The following NPAT variants were observed in gnomAD, a reference collection of about 807,000 sequenced individuals.
The protein encoded by NPAT is protein NPAT.
Under a neutral mutation model 130.7 loss-of-function variants are expected in NPAT, and 52 were observed. That is an observed-to-expected ratio of 0.40 (90% CI 0.32 to 0.50). The LOEUF is 0.50. Among genes scored for constraint, NPAT ranks in the 20% least tolerant of loss-of-function variants. NPAT has a pLI of 0.68. For missense variants in NPAT, 1,687 were observed against 1,662.6 expected, an observed-to-expected ratio of 1.01 and a Z score of -0.26; for synonymous variants, 580 against 584.8, an observed-to-expected ratio of 0.99 and a Z score of 0.12.
intron 1 of NPAT, among the ~76,000 whole-genome samples, chr11:108,221,057 A>G (rs2078485328): frequency 6.6e-6 from 1 of 152,204 alleles, no homozygotes; most frequent in Non-Finnish European, 1.5e-5. Flanking sequence ...GAATACTCAC[A>G]CATCGATGTG....
chr11:108,183,812 A>G (rs568518245), intron 10 of NPAT, among the ~76,000 whole-genome samples: 6 of 152,044 alleles, frequency 3.9e-5, no homozygotes, highest in South Asian at 2.1e-4. Flanking sequence ...AAAACCAAAC[A>G]AAAACCAAAA....
chr11:108,160,435 C>G (rs6589005), intron 17 of NPAT, among the ~76,000 whole-genome samples: 151,605 of 152,336 alleles, frequency 1, 75,447 homozygotes, highest in Middle Eastern at 1. Flanking sequence ...AAAAACTGAA[C>G]ATCTAAGAAC....
intron 1 of NPAT, among the ~76,000 whole-genome samples, chr11:108,209,044 C>A (rs2078357747): frequency 6.6e-6 from 1 of 152,136 alleles, no homozygotes; most frequent in Admixed American, 6.5e-5. Context: ...CGTTGGGAGG[C>A]TGAGGCAGGC....
intron 8 of NPAT, among the ~76,000 whole-genome samples, chr11:108,186,134 A>T (rs1369711461): frequency 6.6e-6 from 1 of 151,868 alleles, no homozygotes; most frequent in Non-Finnish European, 1.5e-5. Context: ...CTCCCATCTC[A>T]GCCTCCCAAG....
intron 17 of NPAT, among the ~76,000 whole-genome samples, chr11:108,159,890 T>C (rs1295031940): frequency 6.6e-6 from 1 of 150,608 alleles, no homozygotes; most frequent in Non-Finnish European, 1.5e-5. Flanking sequence ...TGGTGGCTCA[T>C]GCCTGTAATC....
At chr11:108,186,821 A>G (rs976113226) in intron 7 of NPAT, among the ~76,000 whole-genome samples, 21 of 152,136 alleles carry the variant, frequency 1.4e-4, no homozygotes, top group African/African-American at 5.1e-4. Context: ...TTACTACTAA[A>G]TTTTTAATCT....
intron 5 of NPAT, 35 bp from the exon 6 acceptor site, chr11:108,189,365 C>T (rs547811438): frequency 2.6e-5 from 41 of 1,595,294 alleles, no homozygotes; most frequent in South Asian, 1.2e-4. Flanking sequence ...ACAAATTCAA[C>T]GTCAGGGTAG....
At chr11:108,192,072 G>A (rs780667442) in intron 4 of NPAT, 46 bp downstream of exon 4, 6 of 1,248,736 alleles carry the variant, frequency 4.8e-6, no homozygotes, top group Non-Finnish European at 7.1e-6. Context: ...AACCCAAAGT[G>A]TATTTGCATT....
Position 108,222,623 on chromosome 11 carries a change from T to G in NPAT, c.-87A>C. The G allele has an allele frequency of 1.4e-6, 2 of 1,448,116 alleles. No individual in the cohort carries two copies. The highest frequency in any genetic ancestry group is 1.9e-6 in the Non-Finnish European group (2 of 1,039,878). 89.7% of individuals were successfully genotyped at this position (1,448,116 alleles called of 1,614,324 possible). On this transcript the variant is annotated 5_prime_UTR_variant, in exon 1 of 18. Coordinates refer to ENST00000278612, the MANE Select transcript of NPAT (RefSeq NM_002519.3). ...ACAGCTCCTGCGCCGCATCTCCTGG[T>G]TCCAGTGGCGGCACTGAACTCGCGG...
Position 108,172,862 on chromosome 11 carries a change from A to C in NPAT, c.2122T>G (p.Ser708Ala). The change falls in exon 13 of 18, where the codon TCT (serine) becomes GCT (alanine). Residue 708 changes from serine to alanine, a missense_variant. Physicochemically the swap from Ser to Ala is moderately conservative, Grantham distance 99 (BLOSUM62 1). Transcript: ENST00000278612. ...SHSLPPESVC[S>A]SVGDSHPESQ... ...TCAGGGTGAGAATCTCCCACTGAAGAACACACAGATTCTGGAGGAAGAGAG... is the reference window on the plus strand; with the variant it reads ...TCAGGGTGAGAATCTCCCACTGAAGCACACACAGATTCTGGAGGAAGAGAG... The C allele has an allele frequency of 1.2e-6, 2 of 1,614,084 alleles. No individual in the cohort carries two copies. Among genetic ancestry groups the C allele is most frequent in the Non-Finnish European group, 1.7e-6 (2 of 1,180,028 alleles).
intron 4 of NPAT, 101 bp downstream of exon 4, chr11:108,192,017 G>C: frequency 1.2e-6 from 1 of 837,100 alleles, no homozygotes; most frequent in Admixed American, 1.7e-5. Context: ...TTCAAAACTG[G>C]ATGAGTGTTA....
At chr11:108,175,914 C>G (rs1041862921) in intron 12 of NPAT, among the ~76,000 whole-genome samples, 10 of 152,188 alleles carry the variant, frequency 6.6e-5, no homozygotes, top group Non-Finnish European at 1.2e-4. Flanking sequence ...GCTACCTCTG[C>G]TTCCCAAAGT....
chr11:108,211,111 C>T (rs546407512), intron 1 of NPAT, among the ~76,000 whole-genome samples: 6 of 151,904 alleles, frequency 3.9e-5, no homozygotes, highest in South Asian at 2.1e-4. Flanking sequence ...CCCAGCTACT[C>T]GGGAGGCTGG....
At chr11:108,182,221 TG>T (rs1276451158) in intron 10 of NPAT, among the ~76,000 whole-genome samples, 1 of 152,156 alleles carries the variant, frequency 6.6e-6, no homozygotes, top group African/African-American at 2.4e-5. Context: ...TTCCTTGGTA[TG>T]GGGGTCAGAA....
rs1459834816 is a variant in NPAT at position 108,222,448 on chromosome 11, T to C, written c.37+52A>G. The C allele has an allele frequency of 2.5e-6, 4 of 1,603,662 alleles. No homozygotes were observed. The Admixed American group carries it at 6.7e-5, about 27-fold the overall frequency. ...GAAAACCTTTGGCCTCAAAGGTCCT[T>C]CTGTCCAGCATAGCCGGGTCCAATA... On this transcript the variant is annotated intron_variant, in intron 1 of 17. Coordinates refer to ENST00000278612, the MANE Select transcript of NPAT (RefSeq NM_002519.3).
At chr11:108,187,202 G>A (rs2078115702) in intron 7 of NPAT, among the ~76,000 whole-genome samples, 1 of 152,156 alleles carries the variant, frequency 6.6e-6, no homozygotes. Flanking sequence ...TGTAATCCCA[G>A]CAATTTTGGA....
Position 108,222,518 on chromosome 11 carries a change from C to CG in NPAT, c.18dup (p.Val7ArgfsTer38). 1 of 1,613,926 alleles carries CG rather than the reference C, an allele frequency of 6.2e-7. No homozygotes were observed. The highest frequency in any genetic ancestry group is 1.1e-5 in the South Asian group (1 of 91,006). ...CGCTTACCCAATACAAGCCGGGCTA[C>CG]GTCCGAGGGTAACAACATGATCAAA... On this transcript the variant is annotated frameshift_variant, in exon 1 of 18. Coordinates refer to ENST00000278612, the MANE Select transcript of NPAT (RefSeq NM_002519.3). LOFTEE classifies it high-confidence loss of function.
rs572015405 is a variant in NPAT, at chr11:108,166,401, T to A, written c.3010+3343A>T. 1.3e-3 allele frequency among the ~76,000 whole-genome samples: 196 copies of A among 152,056 alleles called. 1 individual carries two copies. Among genetic ancestry groups the A allele is most frequent in the African/African-American group, 4.6e-3 (189 of 41,504 alleles). On this transcript the variant is annotated intron_variant, in intron 15 of 17. Transcript: ENST00000278612. ...AGCAAGACTCCCATCTAAAAAAAAA[T>A]AAAAAAATAAATAAATCCTTTATCC...
chr11:108,218,942 T>C (rs1199993255), intron 1 of NPAT, among the ~76,000 whole-genome samples: 1 of 152,196 alleles, frequency 6.6e-6, no homozygotes, highest in African/African-American at 2.4e-5. Context: ...ATCAGAGCCA[T>C]ACTTTTGCAA....
Sources: allele counts gnomAD v4.1 joint callset (sites outside exome capture counted in the v4.1 genomes callset), GRCh38; gene constraint gnomAD v4.1.1; transcripts MANE v1.5; gene names NCBI Gene and HGNC (gene_info 2026-07-23, HGNC 2026-07-21).